Variants in TCF4 observed in about 807,000 individuals in gnomAD.
The protein encoded by TCF4 is transcription factor 4, also known as SL3-3 enhancer factor 2.
A neutral mutation model predicts 82.1 loss-of-function variants in TCF4; 3 were observed. That is an observed-to-expected ratio of 0.04 (90% CI 0.02 to 0.09). TCF4 has a LOEUF of 0.09. TCF4 is among the 10% of genes least tolerant of loss of function. The pLI is 1.00. For synonymous variants in TCF4, 276 were observed against 309.6 expected, an observed-to-expected ratio of 0.89 and a Z score of 1.14; for missense variants, 518 against 852.7, an observed-to-expected ratio of 0.61 and a Z score of 4.89.
At chr18:55,348,595 A>G (rs748770048) in intron 8 of TCF4, among the ~76,000 whole-genome samples, 73 of 152,320 alleles carry the variant, frequency 4.8e-4, no homozygotes, top group Middle Eastern at 3.4e-3. Context: ...ACACTGTACC[A>G]GTAAAATTTT....
At chr18:55,401,459 T>C (rs909109752) in intron 6 of TCF4, 2 of 1,002,066 alleles carry the variant, frequency 2.0e-6, no homozygotes, top group Admixed American at 5.5e-5. Flanking sequence ...TAGTGCTATA[T>C]ACAAAAGAAT....
intron 3 of TCF4, among the ~76,000 whole-genome samples, chr18:55,573,148 C>T (rs1294880173): frequency 6.6e-6 from 1 of 152,014 alleles, no homozygotes; most frequent in East Asian, 1.9e-4. Flanking sequence ...TCTAACTTTT[C>T]TCAGAAAATA....
intron 8 of TCF4, among the ~76,000 whole-genome samples, chr18:55,329,664 C>T (rs946095573): frequency 5.9e-5 from 9 of 152,106 alleles, no homozygotes; most frequent in African/African-American, 1.4e-4. Flanking sequence ...AGTACTGTGG[C>T]AGTATTGGTC....
rs577346624 is a variant in TCF4, at chr18:55,548,991, AT to A, written c.145+36288del. On this transcript the variant is annotated intron_variant, in intron 3 of 19. Transcript: ENST00000354452. The stretch of plus-strand genomic sequence containing the variant: ...ACATTGTACATTAAGGATACATTGA[AT>A]TTTTTTTTTCTTATTTTTCTTTCTT... Among the ~76,000 whole-genome samples the A allele has an allele frequency of 3.9e-3, 592 of 150,584 alleles. 6 individuals carry two copies. Among genetic ancestry groups the A allele is most frequent in the African/African-American group, 0.014 (564 of 41,006 alleles).
intron 10 of TCF4, among the ~76,000 whole-genome samples, chr18:55,275,273 T>TAAA (rs1462720324): frequency 3.6e-5 from 1 of 27,820 alleles, no homozygotes; most frequent in Non-Finnish European, 7.4e-5. Context: ...AAACTACAGA[T>TAAA]AGAAAAAAAA....
At chr18:55,428,707 C>T (rs2095078922) in intron 5 of TCF4, among the ~76,000 whole-genome samples, 1 of 152,160 alleles carries the variant, frequency 6.6e-6, no homozygotes, top group Non-Finnish European at 1.5e-5. Context: ...AGTATTAAAG[C>T]TCAGATAAAC....
rs141485032 is a variant in TCF4 at position 55,239,050 on chromosome 18, G to A, written c.1351-4367C>T. 8.6e-4 allele frequency among the ~76,000 whole-genome samples: 131 copies of A among 152,276 alleles called. No individual in the cohort carries two copies. The East Asian group carries it at 0.022, about 26-fold the overall frequency. ...CTGGTACATGTAGGTGTAAATGTCTGAGTTACATTGTATCTTAGGTCAAAT... is the reference window on the plus strand; with the variant it reads ...CTGGTACATGTAGGTGTAAATGTCTAAGTTACATTGTATCTTAGGTCAAAT... On this transcript the variant is annotated intron_variant, in intron 15 of 19. Coordinates refer to ENST00000354452, the MANE Select transcript of TCF4 (RefSeq NM_001083962.2).
chr18:55,398,945 T>C (rs1198051227), intron 6 of TCF4, among the ~76,000 whole-genome samples: 2 of 152,216 alleles, frequency 1.3e-5, no homozygotes, highest in Non-Finnish European at 2.9e-5. Context: ...CCAGGAAGGA[T>C]GCATAAGACC....
intron 6 of TCF4, among the ~76,000 whole-genome samples, chr18:55,365,154 AAAATATATAT>A (rs1199119839): frequency 3.8e-5 from 2 of 52,420 alleles, no homozygotes; most frequent in African/African-American, 1.1e-4. Flanking sequence ...CTCCATCTCC[AAAATATATAT>A]ATATATATAT....
At chr18:55,317,549 C>T (rs898253411) in intron 8 of TCF4, among the ~76,000 whole-genome samples, 1 of 151,912 alleles carries the variant, frequency 6.6e-6, no homozygotes, top group Admixed American at 6.6e-5. Context: ...AAAAAAAGAG[C>T]CATATGTAAA....
intron 3 of TCF4, among the ~76,000 whole-genome samples, chr18:55,576,118 G>A (rs1017691595): frequency 3.9e-5 from 6 of 152,012 alleles, no homozygotes; most frequent in East Asian, 1.9e-4. Context: ...GGTGAGTTTC[G>A]ATTTTGTTTA....
chr18:55,585,818 A>G, intron 2 of TCF4: 3 of 1,125,406 alleles, frequency 2.7e-6, no homozygotes, highest in Non-Finnish European at 3.3e-6. Context: ...CACCTGCACT[A>G]AATTCTCATT....
At chr18:55,329,931 T>A (rs2077219757) in intron 8 of TCF4, among the ~76,000 whole-genome samples, 1 of 152,222 alleles carries the variant, frequency 6.6e-6, no homozygotes, top group African/African-American at 2.4e-5. Flanking sequence ...ACAGGTCAAC[T>A]CTCACCCTTC....
intron 8 of TCF4, among the ~76,000 whole-genome samples, chr18:55,292,421 T>A (rs1394664783): frequency 6.6e-5 from 10 of 152,182 alleles, no homozygotes; most frequent in Admixed American, 6.5e-4. Context: ...TCAGTGTTGA[T>A]GAAATTAATG....
At chr18:55,491,971 T>C (rs1038252160) in intron 3 of TCF4, among the ~76,000 whole-genome samples, 12 of 152,324 alleles carry the variant, frequency 7.9e-5, no homozygotes, top group Middle Eastern at 3.4e-3. Context: ...GAAATTCAAA[T>C]TGCAAAGTGT....
chr18:55,259,868 C>T (rs1270975120), intron 13 of TCF4, 81 bp downstream of exon 13: 4 of 1,238,290 alleles, frequency 3.2e-6, no homozygotes, highest in South Asian at 2.4e-5. Context: ...AGTGAGTTTC[C>T]ACCTACAAAA....
Position 55,224,252 on chromosome 18 carries a change from A to G in TCF4, c.*3783T>C, listed in dbSNP as rs1053825917. 2 of 152,254 alleles carry G rather than the reference A, an allele frequency of 1.3e-5. No homozygotes were observed. Among genetic ancestry groups the G allele is most frequent in the Non-Finnish European group, 1.5e-5 (1 of 67,980 alleles). 9.4% of individuals were successfully genotyped at this position (152,254 alleles called of 1,614,324 possible). On this transcript the variant is annotated 3_prime_UTR_variant, in exon 20 of 20. Transcript: ENST00000354452. ...ACAGTTCATATATTTTCACCATTAC[A>G]TATGTCTATAATACTTGAAATGAGT...
intron 8 of TCF4, among the ~76,000 whole-genome samples, chr18:55,344,204 A>G (rs1378224549): frequency 6.6e-6 from 1 of 152,202 alleles, no homozygotes; most frequent in Non-Finnish European, 1.5e-5. Flanking sequence ...TAGAAAATGC[A>G]GAAATTGTCA....
At chr18:55,610,821 T>C (rs2097706339) in intron 2 of TCF4, among the ~76,000 whole-genome samples, 2 of 152,146 alleles carry the variant, frequency 1.3e-5, no homozygotes, top group African/African-American at 2.4e-5. Context: ...TTCAACAGCA[T>C]TTTACATGAG....
Sources: allele counts gnomAD v4.1 joint callset (sites outside exome capture counted in the v4.1 genomes callset), GRCh38; gene constraint gnomAD v4.1.1; transcripts MANE v1.5; gene names NCBI Gene and HGNC (gene_info 2026-07-23, HGNC 2026-07-21).